Variants in TENM3 observed in about 807,000 individuals in gnomAD.
The protein encoded by TENM3 is teneurin-3.
Under a neutral mutation model 255.1 loss-of-function variants are expected in TENM3, and 63 were observed. The ratio of observed to expected loss-of-function variants is 0.25; its 90% CI spans 0.20 to 0.30. The LOEUF is 0.30. Among genes scored for constraint, TENM3 ranks in the 10% least tolerant of loss-of-function variants. The pLI, the probability that TENM3 is intolerant of heterozygous loss-of-function variation, is 1.00. For synonymous variants in TENM3, 1,306 were observed against 1,322.3 expected (o/e 0.99, Z 0.27); for missense variants, 2,929 against 3,461.1 (o/e 0.85, Z 3.86).
At chr4:181,658,532 A>G in the TENM3 span, among the ~76,000 whole-genome samples, 1 of 152,068 alleles carries the variant, frequency 6.6e-6, no homozygotes, top group African/African-American at 2.4e-5. Context: ...CTCCACCACA[A>G]CTAATGCTAG....
chr4:182,421,863 T>G (rs1012023630), intron 3 of TENM3, among the ~76,000 whole-genome samples: 1 of 152,212 alleles, frequency 6.6e-6, no homozygotes, highest in Admixed American at 6.5e-5. Flanking sequence ...GGGGCTGAAA[T>G]GGCCCTTTAG....
At chr4:182,377,072 G>T (rs1767225417) in intron 3 of TENM3, among the ~76,000 whole-genome samples, 1 of 152,076 alleles carries the variant, frequency 6.6e-6, no homozygotes, top group African/African-American at 2.4e-5. Flanking sequence ...TCTTAAACAT[G>T]TCTTGGTTTG....
chr4:182,333,163 C>T (rs1164872602), intron 2 of TENM3, among the ~76,000 whole-genome samples: 1 of 152,108 alleles, frequency 6.6e-6, no homozygotes, highest in Non-Finnish European at 1.5e-5. Context: ...ATCTATTCAA[C>T]ACCACCCTTC....
intron 5 of TENM3, among the ~76,000 whole-genome samples, chr4:182,650,836 A>G (rs1412382078): frequency 1.3e-5 from 2 of 148,326 alleles, no homozygotes; most frequent in Non-Finnish European, 3.0e-5. Context: ...ATTATATAGC[A>G]TCTTCAGTAG....
chr4:182,273,393 A>G (rs1053939045), intron 1 of TENM3, among the ~76,000 whole-genome samples: 2 of 152,218 alleles, frequency 1.3e-5, no homozygotes, highest in Non-Finnish European at 1.5e-5. Context: ...GCATTCTCCA[A>G]TTATACCTGT....
At chr4:182,192,383 C>T (rs1425190519) in intron 1 of TENM3, among the ~76,000 whole-genome samples, 5 of 152,162 alleles carry the variant, frequency 3.3e-5, no homozygotes, top group African/African-American at 9.7e-5. Context: ...TCCCATTGCC[C>T]TTTCAAATTT....
At chr4:182,286,807 T>C (rs1760758944) in intron 1 of TENM3, among the ~76,000 whole-genome samples, 1 of 152,194 alleles carries the variant, frequency 6.6e-6, no homozygotes, top group African/African-American at 2.4e-5. Flanking sequence ...ACTTGCAGTC[T>C]TGCCCCCTCC....
intron 1 of TENM3, among the ~76,000 whole-genome samples, chr4:182,237,563 G>A (rs1041205461): frequency 5.9e-5 from 9 of 151,924 alleles, no homozygotes; most frequent in Admixed American, 2.6e-4. Context: ...AGGCCGAGGC[G>A]GGCAGATCAC....
chr4:182,736,796 A>T lies in TENM3; in HGVS notation c.2968-12A>T. The T allele has an allele frequency of 6.2e-7, 1 of 1,607,940 alleles. No homozygotes were observed. The highest frequency in any genetic ancestry group is 8.5e-7 in the Non-Finnish European group (1 of 1,177,460). ...GATCACAGTTTGAAACTTCTGCTTT[A>T]TTCAAACTTAGGTACTCCACGAGGA... On this transcript the variant is annotated splice_polypyrimidine_tract_variant and intron_variant, in intron 16 of 27. Transcript: ENST00000511685.
the TENM3 span, among the ~76,000 whole-genome samples, chr4:181,973,523 G>A: frequency 3.9e-5 from 6 of 152,142 alleles, no homozygotes; most frequent in Non-Finnish European, 8.8e-5. Context: ...GGGAGTTTGA[G>A]ACTAGCCTGG....
the TENM3 span, among the ~76,000 whole-genome samples, chr4:181,765,558 A>G: frequency 6.6e-6 from 1 of 152,230 alleles, no homozygotes; most frequent in African/African-American, 2.4e-5. Context: ...GACCTCACAA[A>G]TGTTGATTCA....
the TENM3 span, among the ~76,000 whole-genome samples, chr4:181,586,981 C>G: frequency 1.3e-5 from 2 of 152,214 alleles, no homozygotes; most frequent in South Asian, 4.1e-4. Context: ...CAGCTCAACC[C>G]AAGTACACTT....
intron 3 of TENM3, among the ~76,000 whole-genome samples, chr4:182,535,488 G>A (rs758898917): frequency 6.0e-4 from 91 of 152,154 alleles, no homozygotes; most frequent in Admixed American, 1.9e-3. Flanking sequence ...TCATCCCAGT[G>A]ATTTGCGAAG....
chr4:181,561,935 C>T, the TENM3 span, among the ~76,000 whole-genome samples: 1 of 152,148 alleles, frequency 6.6e-6, no homozygotes, highest in African/African-American at 2.4e-5. Context: ...TACACATTCC[C>T]CTGGATCCTT....
chr4:182,601,649 G>T (rs1747885257), intron 4 of TENM3, among the ~76,000 whole-genome samples: 1 of 152,098 alleles, frequency 6.6e-6, no homozygotes. Flanking sequence ...GTTTGTTAAG[G>T]ATATTGTAGT....
chr4:182,288,256 A>C (rs1343459227), intron 1 of TENM3, among the ~76,000 whole-genome samples: 1 of 151,920 alleles, frequency 6.6e-6, no homozygotes, highest in Non-Finnish European at 1.5e-5. Flanking sequence ...TTTTTAATAG[A>C]GACAGGGTCT....
intron 1 of TENM3, among the ~76,000 whole-genome samples, chr4:182,233,041 A>T (rs572763219): frequency 1.3e-5 from 2 of 152,248 alleles, no homozygotes; most frequent in African/African-American, 4.8e-5. Context: ...ACTGAGGATA[A>T]GGGGAGACTC....
chr4:182,046,450 T>A, the TENM3 span, among the ~76,000 whole-genome samples: 9 of 151,956 alleles, frequency 5.9e-5, no homozygotes, highest in Non-Finnish European at 1.3e-4. Context: ...AGCATGGTAA[T>A]CCCAGCACTT....
the TENM3 span, among the ~76,000 whole-genome samples, chr4:181,678,088 G>A: frequency 6.6e-6 from 1 of 152,118 alleles, no homozygotes; most frequent in Non-Finnish European, 1.5e-5. Flanking sequence ...AACACTTACT[G>A]TGTGCGAGGC....
Sources: gnomAD v4.1 joint callset for allele counts (sites outside exome capture counted in the v4.1 genomes callset) on GRCh38, gnomAD v4.1.1 for gene constraint, MANE v1.5 for transcripts, NCBI Gene and HGNC (gene_info 2026-07-23, HGNC 2026-07-21) for gene names.